Variants in GPC6 observed in about 807,000 individuals in gnomAD.
GPC6 encodes glypican-6.
Under a neutral mutation model 55.2 loss-of-function variants are expected in GPC6, and 14 were observed. That is an observed-to-expected ratio of 0.25 (90% CI 0.17 to 0.40). The LOEUF is 0.40. Among genes scored for constraint, GPC6 ranks in the 10% least tolerant of loss-of-function variants. The probability of loss-of-function intolerance (pLI) is 1.00; values close to 1 mark genes in which losing one functional copy is unlikely to be tolerated. For synonymous variants in GPC6, 278 were observed against 259.6 expected, an observed-to-expected ratio of 1.07 and a Z score of -0.68; for missense variants, 641 against 708.5, an observed-to-expected ratio of 0.90 and a Z score of 1.08.
chr13:93,758,567 G>A lies in GPC6; in HGVS notation c.320-71587G>A, dbSNP rs558902998. ...TCTGTAGATAATTTATATAGTTTATGAATATATATATAAACTTTTGTTAGT... is the reference window on the plus strand; with the variant it reads ...TCTGTAGATAATTTATATAGTTTATAAATATATATATAAACTTTTGTTAGT... On this transcript the variant is annotated intron_variant, in intron 2 of 8. Coordinates refer to ENST00000377047, the MANE Select transcript of GPC6 (RefSeq NM_005708.5). Among the ~76,000 whole-genome samples, 273 of 151,814 alleles carry A rather than the reference G, an allele frequency of 1.8e-3. 1 individual carries two copies. The highest frequency in any genetic ancestry group is 2.0e-3 in the Non-Finnish European group (137 of 67,948).
At chr13:93,673,209 G>T (rs1157984309) in intron 2 of GPC6, among the ~76,000 whole-genome samples, 1 of 152,096 alleles carries the variant, frequency 6.6e-6, no homozygotes, top group African/African-American at 2.4e-5. Flanking sequence ...TTAACCAGGA[G>T]GCAGACCTCA....
chr13:93,451,420 C>A (rs77134572), intron 1 of GPC6, among the ~76,000 whole-genome samples: 1,842 of 152,262 alleles, frequency 0.012, 46 homozygotes, highest in African/African-American at 0.042. Flanking sequence ...TTGTGTGGCC[C>A]ACAAGTTAAT....
At chr13:93,400,770 T>C (rs1876042060) in intron 1 of GPC6, among the ~76,000 whole-genome samples, 1 of 152,072 alleles carries the variant, frequency 6.6e-6, no homozygotes. Context: ...AAGAAATAAT[T>C]GCAAAATGTA....
intron 2 of GPC6, among the ~76,000 whole-genome samples, chr13:93,557,859 C>T (rs1875565269): frequency 6.6e-6 from 1 of 152,054 alleles, no homozygotes; most frequent in Non-Finnish European, 1.5e-5. Flanking sequence ...TTTTTTCTTC[C>T]AATGGCTGAG....
chr13:93,565,318 G>A (rs1229194244), intron 2 of GPC6, among the ~76,000 whole-genome samples: 1 of 152,178 alleles, frequency 6.6e-6, no homozygotes, highest in African/African-American at 2.4e-5. Flanking sequence ...TTGGGGAAAT[G>A]AAAAGCGTGC....
intron 2 of GPC6, among the ~76,000 whole-genome samples, chr13:93,668,873 T>C (rs542806337): frequency 6.6e-6 from 1 of 152,352 alleles, no homozygotes; most frequent in Admixed American, 6.5e-5. Context: ...GTAGGCTGCT[T>C]ACCTGGAAAC....
intron 2 of GPC6, among the ~76,000 whole-genome samples, chr13:93,652,901 T>C (rs1434009979): frequency 6.6e-6 from 1 of 152,256 alleles, no homozygotes; most frequent in East Asian, 1.9e-4. Context: ...GTGATTTTAC[T>C]TGGAGCAGTT....
At chr13:93,240,695 G>A (rs991891253) in intron 1 of GPC6, among the ~76,000 whole-genome samples, 56 of 152,164 alleles carry the variant, frequency 3.7e-4, no homozygotes, top group African/African-American at 1.3e-3. Context: ...TTACTACCTA[G>A]TTGTTTTGTA....
intron 2 of GPC6, among the ~76,000 whole-genome samples, chr13:93,742,831 A>T (rs190766872): frequency 2.0e-4 from 31 of 152,298 alleles, no homozygotes; most frequent in African/African-American, 7.0e-4. Context: ...AACAAACCAG[A>T]TGAATATTAC....
chr13:93,700,657 C>T (rs1360933575), intron 2 of GPC6, among the ~76,000 whole-genome samples: 1 of 152,026 alleles, frequency 6.6e-6, no homozygotes, highest in African/African-American at 2.4e-5. Flanking sequence ...TTACATTGTC[C>T]TTGTAGTCTG....
intron 4 of GPC6, among the ~76,000 whole-genome samples, chr13:94,097,702 C>T (rs944074836): frequency 6.6e-6 from 1 of 151,992 alleles, no homozygotes; most frequent in Admixed American, 6.5e-5. Context: ...AAGAGAAATG[C>T]AACACAGTTG....
chr13:93,727,730 G>C (rs1276754967), intron 2 of GPC6, among the ~76,000 whole-genome samples: 1 of 152,138 alleles, frequency 6.6e-6, no homozygotes, highest in Non-Finnish European at 1.5e-5. Context: ...CATTTGGCCA[G>C]TTTGCCAACC....
intron 1 of GPC6, among the ~76,000 whole-genome samples, chr13:93,242,237 T>G (rs1566537918): frequency 6.6e-6 from 1 of 151,964 alleles, no homozygotes; most frequent in Non-Finnish European, 1.5e-5. Context: ...GCCTAGGGAG[T>G]TCCCATGAAA....
chr13:94,027,598 G>T, intron 3 of GPC6, 131 bp from the exon 4 acceptor site: 5 of 792,584 alleles, frequency 6.3e-6, no homozygotes, highest in Non-Finnish European at 1.1e-5. Flanking sequence ...ACAGGAATTG[G>T]ATGGATTCAA....
At chr13:94,032,605 C>A (rs1397720315) in intron 4 of GPC6, among the ~76,000 whole-genome samples, 2 of 152,178 alleles carry the variant, frequency 1.3e-5, no homozygotes, top group Admixed American at 6.6e-5. Context: ...CTGCCCACTA[C>A]TACTGTCTTG....
intron 2 of GPC6, among the ~76,000 whole-genome samples, chr13:93,679,638 C>G (rs975119079): frequency 2.0e-5 from 3 of 152,076 alleles, no homozygotes; most frequent in Non-Finnish European, 1.5e-5. Context: ...GATTTCATCA[C>G]AAACAGTGTA....
At chr13:93,430,803 T>C (rs1377538440) in intron 1 of GPC6, among the ~76,000 whole-genome samples, 1 of 152,194 alleles carries the variant, frequency 6.6e-6, no homozygotes, top group Non-Finnish European at 1.5e-5. Context: ...TATATCACCA[T>C]CAAGCTATTC....
At chr13:93,538,806 T>A (rs1375531620) in intron 1 of GPC6, among the ~76,000 whole-genome samples, 1 of 152,162 alleles carries the variant, frequency 6.6e-6, no homozygotes, top group Non-Finnish European at 1.5e-5. Flanking sequence ...CAGGAAAGAT[T>A]TTCTCTTTAT....
chr13:94,307,898 A>G (rs1313854388), intron 6 of GPC6, among the ~76,000 whole-genome samples: 1 of 152,174 alleles, frequency 6.6e-6, no homozygotes, highest in African/African-American at 2.4e-5. Context: ...GAATTTTTGT[A>G]AAATCTAATT....
Sources: allele counts gnomAD v4.1 joint callset (sites outside exome capture counted in the v4.1 genomes callset), GRCh38; gene constraint gnomAD v4.1.1; transcripts MANE v1.5; gene names NCBI Gene and HGNC (gene_info 2026-07-23, HGNC 2026-07-21).